The following PRORP variants were observed in gnomAD, a reference collection of about 807,000 sequenced individuals.
The protein encoded by PRORP is mitochondrial ribonuclease P catalytic subunit.
In PRORP, 51 loss-of-function variants were observed where a neutral mutation model predicts 59.4. The observed-to-expected ratio is 0.86, with a 90% CI of 0.69 to 1.08. PRORP has a LOEUF of 1.08. PRORP is among the 50% of genes least tolerant of loss of function. PRORP has a pLI of 0.00. For synonymous variants in PRORP, 231 were observed against 245.6 expected, an observed-to-expected ratio of 0.94 and a Z score of 0.55; for missense variants, 646 against 690.3, an observed-to-expected ratio of 0.94 and a Z score of 0.72.
At position 35,270,462 on chromosome 14, in the gene PRORP, A is replaced by G. The variant is rs2051157568; in HGVS notation, c.1486A>G (p.Ile496Val). 6.2e-7 allele frequency: 1 copy of G among 1,614,162 alleles called. No individual in the cohort carries two copies. The highest frequency in any genetic ancestry group is 8.5e-7 in the Non-Finnish European group (1 of 1,180,024). ...TLHSGNHCRF[I>V]TRDLMRDHKA... ...GCACTCCGGGAATCACTGCAGGTTT[A>G]TCACAAGAGACCTGATGCGGGACCA... Residue 496 changes from isoleucine to valine, a missense_variant, in exon 7 of 8, where the codon ATC (isoleucine) becomes GTC (valine). By Grantham distance (29) the Ile-to-Val change is conservative (BLOSUM62 3). Coordinates refer to ENST00000534898, the MANE Select transcript of PRORP (RefSeq NM_014672.4).
intron 5 of PRORP, among the ~76,000 whole-genome samples, chr14:35,220,189 C>T (rs2049734722): frequency 6.6e-6 from 1 of 152,122 alleles, no homozygotes; most frequent in Admixed American, 6.5e-5. Context: ...CCACCATGTC[C>T]CCTATCTCAC....
At chr14:35,218,156 TA>T (rs568497906) in intron 5 of PRORP, among the ~76,000 whole-genome samples, 65 of 152,178 alleles carry the variant, frequency 4.3e-4, no homozygotes, top group Non-Finnish European at 7.6e-4. Flanking sequence ...CCTGTCAAGC[TA>T]AAAAACAAGA....
intron 4 of PRORP, chr14:35,158,247 A>G (rs1251357234): frequency 4.0e-6 from 1 of 247,958 alleles, no homozygotes; most frequent in African/African-American, 2.3e-5. Flanking sequence ...ATTATAAGTC[A>G]CAACTGCCAG....
intron 5 of PRORP, among the ~76,000 whole-genome samples, chr14:35,220,267 A>T (rs2049737003): frequency 6.6e-6 from 1 of 152,232 alleles, no homozygotes; most frequent in Non-Finnish European, 1.5e-5. Flanking sequence ...GTCATGACAC[A>T]TTCGTCATTT....
intron 4 of PRORP, among the ~76,000 whole-genome samples, chr14:35,151,308 G>GATT (rs1178730068): frequency 6.6e-6 from 1 of 151,820 alleles, no homozygotes; most frequent in African/African-American, 2.4e-5. Context: ...TAAGATACTA[G>GATT]ATTAGAAACA....
chr14:35,229,074 G>A (rs1240660186), intron 5 of PRORP, among the ~76,000 whole-genome samples: 1 of 152,040 alleles, frequency 6.6e-6, no homozygotes, highest in Non-Finnish European at 1.5e-5. Context: ...CATGTTTGTT[G>A]TCCACTTGTA....
At chr14:35,230,212 C>T (rs2050041635) in intron 5 of PRORP, among the ~76,000 whole-genome samples, 1 of 152,062 alleles carries the variant, frequency 6.6e-6, no homozygotes, top group Admixed American at 6.5e-5. Flanking sequence ...GCCATAACTC[C>T]TGGCTCATTT....
At chr14:35,250,615 G>A (rs1297229146) in intron 5 of PRORP, among the ~76,000 whole-genome samples, 5 of 152,116 alleles carry the variant, frequency 3.3e-5, no homozygotes, top group African/African-American at 7.2e-5. Flanking sequence ...ACCATCCCCC[G>A]ACTGATTCAT....
intron 5 of PRORP, among the ~76,000 whole-genome samples, chr14:35,253,646 C>T (rs1470315562): frequency 6.6e-6 from 1 of 152,090 alleles, no homozygotes; most frequent in Non-Finnish European, 1.5e-5. Flanking sequence ...CTCAGTCCTG[C>T]CCCCTCTGGC....
chr14:35,127,773 T>C (rs1294030151), intron 4 of PRORP, among the ~76,000 whole-genome samples, 162 bp downstream of exon 4: 2 of 152,206 alleles, frequency 1.3e-5, no homozygotes, highest in African/African-American at 2.4e-5. Flanking sequence ...CCATAGATAA[T>C]ACATAAATGA....
rs141879325 is a variant in PRORP, at chr14:35,200,685, T to G, written c.1275+19908T>G. On this transcript the variant is annotated intron_variant, in intron 5 of 7. Transcript: ENST00000534898. Reference sequence around the variant, plus strand: ...TATATATGTTATATATATAGTAGATTTTAAAGTTTTTTTACAATAAGACTT... The same window carrying G: ...TATATATGTTATATATATAGTAGATGTTAAAGTTTTTTTACAATAAGACTT... Among the ~76,000 whole-genome samples, 134 of 151,768 alleles carry G rather than the reference T, an allele frequency of 8.8e-4. 4 individuals are homozygous for G. In the South Asian group the frequency reaches 0.026, roughly 30 times the overall value.
At chr14:35,177,804 T>C (rs9671922) in intron 4 of PRORP, among the ~76,000 whole-genome samples, 61,096 of 151,826 alleles carry the variant, frequency 0.4, 12,751 homozygotes, top group East Asian at 0.69. Flanking sequence ...ATGTGTTTGC[T>C]CTTGCTTCTC....
chr14:35,137,400 T>C lies in PRORP; in HGVS notation c.1167+9789T>C, dbSNP rs751608725. On this transcript the variant is annotated intron_variant, in intron 4 of 7. Transcript: ENST00000534898. ...ATGAAGGAAATATCATTTGAGGCTG[T>C]AGAAAAGAAAGTGAAGATGGGTGTG... Among the ~76,000 whole-genome samples the C allele has an allele frequency of 3.8e-4, 55 of 144,948 alleles. 6 individuals are homozygous for C. Among genetic ancestry groups the C allele is most frequent in the Non-Finnish European group, 6.3e-4 (41 of 65,292 alleles).
chr14:35,139,709 G>C (rs1490403631), intron 4 of PRORP, among the ~76,000 whole-genome samples: 1 of 145,900 alleles, frequency 6.9e-6, no homozygotes, highest in African/African-American at 2.4e-5. Context: ...AAGTCTTTGT[G>C]CTTTTGTTAT....
Position 35,262,560 on chromosome 14 carries a change from G to A in PRORP, c.1276-4167G>A, listed in dbSNP as rs577532356. The A allele has an allele frequency of 1.4e-3, 947 of 688,756 alleles. 15 individuals are homozygous for A. The highest frequency in any genetic ancestry group is 0.012 in the South Asian group (821 of 70,888). 42.7% of individuals were successfully genotyped at this position (688,756 alleles called of 1,614,324 possible). ...CTGTGAAAGGCCCCAGAGGAACCCT[G>A]CAGAGGGATTTCAATCACATCAGTG... On this transcript the variant is annotated intron_variant, in intron 5 of 7. Coordinates refer to ENST00000534898, the MANE Select transcript of PRORP (RefSeq NM_014672.4).
chr14:35,156,569 C>G (rs1266372216), intron 4 of PRORP, among the ~76,000 whole-genome samples: 1 of 152,164 alleles, frequency 6.6e-6, no homozygotes, highest in Non-Finnish European at 1.5e-5. Context: ...CTAGGCTGAT[C>G]ACTGCTTTAA....
intron 5 of PRORP, among the ~76,000 whole-genome samples, chr14:35,223,811 G>C (rs1014627961): frequency 3.3e-5 from 5 of 152,142 alleles, no homozygotes; most frequent in Admixed American, 3.3e-4. Context: ...TTGTTATTAG[G>C]AATGAGGCTA....
chr14:35,152,945 G>A (rs1423988079), intron 4 of PRORP, among the ~76,000 whole-genome samples: 5 of 150,260 alleles, frequency 3.3e-5, no homozygotes, highest in African/African-American at 4.9e-5. Flanking sequence ...CATCCCAGAC[G>A]ATGGGCGGCC....
chr14:35,263,069 T>C (rs538154513), intron 5 of PRORP: 174 of 1,398,924 alleles, frequency 1.2e-4, no homozygotes, highest in Middle Eastern at 9.9e-4. Context: ...TGAAACAAGA[T>C]GCCGGATGAT....
Sources: allele counts gnomAD v4.1 joint callset (sites outside exome capture counted in the v4.1 genomes callset), GRCh38; gene constraint gnomAD v4.1.1; transcripts MANE v1.5; gene names NCBI Gene and HGNC (gene_info 2026-07-23, HGNC 2026-07-21).